XAGE2: variants seen among roughly 807,000 people sequenced by gnomAD.
The protein encoded by XAGE2 is G antigen family D member 3.
XAGE2 carries 7 observed loss-of-function variants against 9.9 expected under a neutral mutation model. The ratio of observed to expected loss-of-function variants is 0.71; its 90% CI spans 0.40 to 1.32. The LOEUF (loss-of-function observed/expected upper bound fraction) is 1.32, where lower values mean the gene tolerates loss of function less well. Among genes scored for constraint, XAGE2 ranks in the 40% most tolerant of loss-of-function variants. The probability of loss-of-function intolerance (pLI) is 0.01; values close to 1 mark genes in which losing one functional copy is unlikely to be tolerated. For synonymous variants in XAGE2, 31 were observed against 26.8 expected (o/e 1.16, Z -0.48); for missense variants, 85 against 81.0 (o/e 1.05, Z -0.19).
At chrX:52,369,854 A>C (rs1921147018) in intron 1 of XAGE2, among the ~76,000 whole-genome samples, 153 bp from the exon 2 acceptor site, 1 of 113,042 alleles carries the variant, frequency 8.8e-6, no homozygotes, top group Admixed American at 9.3e-5. Context: ...CATTCGATTC[A>C]GAAGATGTAC....
In XAGE2 at chrX:52,370,604, C is replaced by A; in HGVS notation, c.119C>A (p.Pro40His). The A allele has an allele frequency of 3.3e-6, 4 of 1,211,398 alleles. No homozygotes were observed. The South Asian group carries it at 5.3e-5, about 16-fold the overall frequency. ...GAAGAGCCTAAAGAAGAGAAACCAC[C>A]CACTAAAAGTCGGAATCCTACACCT... ...TDEEPKEEKP[P>H]TKSRNPTPDQ... is the part of the protein sequence containing the mutation. The change falls in exon 3 of 5, where the codon CCC becomes CAC. Residue 40 changes from proline (P) to histidine (H), a missense_variant. Coordinates refer to ENST00000286049, the MANE Select transcript of XAGE2 (RefSeq NM_130777.3).
At chrX:52,370,822 A>T in intron 3 of XAGE2, 150 bp downstream of exon 3, 2 of 513,551 alleles carry the variant, frequency 3.9e-6, no homozygotes, top group Non-Finnish European at 6.5e-6. Flanking sequence ...AGTGAAGAGT[A>T]TAGTTTGCAG....
Position 52,375,642 on chromosome X carries a change from TTTAAAATATCTTAATAA to T in XAGE2, c.*52_*68del. Reference sequence around the variant, plus strand: ...ACTGTTTTTATATTAGATATTTTACTTTAAAATATCTTAATAAAGTTTTAAGCTTTTCTCCAAAGAAG... The same window carrying T: ...ACTGTTTTTATATTAGATATTTTACTAGTTTTAAGCTTTTCTCCAAAGAAG... On this transcript the variant is annotated 3_prime_UTR_variant, in exon 5 of 5. Transcript: ENST00000286049. The T allele has an allele frequency of 9.6e-7, 1 of 1,042,134 alleles. No homozygotes were observed. Among genetic ancestry groups the T allele is most frequent in the Non-Finnish European group, 1.3e-6 (1 of 755,657 alleles). The allele number at this position is 1,042,134 out of a possible 1,213,427, so 85.9% of individuals were successfully genotyped here. A position where few individuals can be genotyped will look rare whatever the true frequency, so the allele number is the denominator to read the frequency against.
intron 4 of XAGE2, 75 bp downstream of exon 4, chrX:52,372,744 T>C (rs1921224004): frequency 8.9e-7 from 1 of 1,121,101 alleles, no homozygotes; most frequent in Admixed American, 2.2e-5. Context: ...CATAGAGAGA[T>C]AATATTACTG....
At chrX:52,375,492 G>A (rs1240318569) in intron 4 of XAGE2, 77 bp from the exon 5 acceptor site, 55 of 1,075,043 alleles carry the variant, frequency 5.1e-5, no homozygotes, top group Non-Finnish European at 6.6e-5. Flanking sequence ...CAAAAACTTT[G>A]GTGTCATTTG....
In XAGE2 at chrX:52,372,649, A is replaced by G. The variant is rs900102804; in HGVS notation, c.293A>G (p.His98Arg). ...GGGAAGATTCTACCAAAAGCAGAGC[A>G]CTTTAAAATGCCAGAAGCAGGTGTG... ...VKGKILPKAE[H>R]FKMPEAGEGK... Residue 98 changes from histidine to arginine, a missense_variant, in exon 4 of 5, where the codon CAC becomes CGC. Transcript: ENST00000286049. 6.0e-5 allele frequency: 72 copies of G among 1,209,932 alleles called. No homozygotes were observed. In the African/African-American group the frequency reaches 6.1e-4, roughly 10 times the overall value.
In XAGE2 at chrX:52,372,678, T is replaced by C. The variant is rs1189188660; in HGVS notation, c.313+9T>C. ...TAAAATGCCAGAAGCAGGTGTGTTATTCATTAAGACACAAAGTTATGTGAT... is the reference window on the plus strand; with the variant it reads ...TAAAATGCCAGAAGCAGGTGTGTTACTCATTAAGACACAAAGTTATGTGAT... On this transcript the variant is annotated intron_variant, in intron 4 of 4. Transcript: ENST00000286049. 1 of 1,210,198 alleles carries C rather than the reference T, an allele frequency of 8.3e-7. No individual in the cohort carries two copies.
chrX:52,370,676 C>A lies in XAGE2; in HGVS notation c.187+4C>A. 8.3e-7 allele frequency: 1 copy of A among 1,206,928 alleles called. No homozygotes were observed. The highest frequency in any genetic ancestry group is 1.1e-6 in the Non-Finnish European group (1 of 892,138). ...CAGGGTGCAGCTGAGATTCAAGGTG[C>A]TGGGAAAGGAAAGAAATAATGCCTA... On this transcript the variant is annotated splice_donor_region_variant and intron_variant, in intron 3 of 4. Transcript: ENST00000286049.
Position 52,375,627 on chromosome X carries a change from T to C in XAGE2, c.*36T>C. The stretch of plus-strand genomic sequence containing the variant: ...GCTGAAACAACACAAACTGTTTTTA[T>C]ATTAGATATTTTACTTTAAAATATC... On this transcript the variant is annotated 3_prime_UTR_variant, in exon 5 of 5. Coordinates refer to ENST00000286049, the MANE Select transcript of XAGE2 (RefSeq NM_130777.3). The C allele has an allele frequency of 8.7e-7, 1 of 1,145,583 alleles. No homozygotes were observed. The highest frequency in any genetic ancestry group is 1.8e-5 in the African/African-American group (1 of 56,394). The allele number at this position is 1,145,583 out of a possible 1,213,427, so 94.4% of individuals were successfully genotyped here. A position where few individuals can be genotyped will look rare whatever the true frequency, so the allele number is the denominator to read the frequency against.
chrX:52,370,369 G>A (rs1253332060), intron 2 of XAGE2, among the ~76,000 whole-genome samples, 198 bp from the exon 3 acceptor site: 8 of 112,413 alleles, frequency 7.1e-5, no homozygotes, highest in African/African-American at 2.6e-4. Context: ...CAAAGCCTTT[G>A]AGGGTAACTG....
At chrX:52,370,125 A>G (rs1232806020) in intron 2 of XAGE2, 30 bp downstream of exon 2, 1 of 1,178,094 alleles carries the variant, frequency 8.5e-7, no homozygotes, top group Non-Finnish European at 1.2e-6. Context: ...GATGTTTTTT[A>G]TTAGCAGAAA....
In XAGE2 at chrX:52,371,467, T is replaced by A. The variant is rs965824692; in HGVS notation, c.187+795T>A. The stretch of plus-strand genomic sequence containing the variant: ...TGGCATACAGGTAGGTATATTAGTA[T>A]GCTTTTTAAGGAACTTTTAAAAGTT... On this transcript the variant is annotated intron_variant, in intron 3 of 4. Coordinates refer to ENST00000286049, the MANE Select transcript of XAGE2 (RefSeq NM_130777.3). 8.7e-4 allele frequency among the ~76,000 whole-genome samples: 97 copies of A among 112,122 alleles called. 1 individual carries two copies. Among genetic ancestry groups the A allele is most frequent in the African/African-American group, 2.9e-3 (88 of 30,835 alleles).
rs939607358 is a variant in XAGE2, at chrX:52,370,108, A to G, written c.81+13A>G. On this transcript the variant is annotated intron_variant, in intron 2 of 4. Coordinates refer to ENST00000286049, the MANE Select transcript of XAGE2 (RefSeq NM_130777.3). ...TGGGGCTATGCTTGTGAGTGCTTTA[A>G]TATTTTGATGTTTTTTATTAGCAGA... The G allele has an allele frequency of 2.8e-5, 34 of 1,206,201 alleles. No individual in the cohort carries two copies. The highest frequency in any genetic ancestry group is 2.3e-4 in the Middle Eastern group (1 of 4,359).
intron 3 of XAGE2, among the ~76,000 whole-genome samples, chrX:52,372,273 T>C (rs1414395493): frequency 9.1e-6 from 1 of 110,468 alleles, no homozygotes; most frequent in Admixed American, 9.6e-5. Flanking sequence ...GACAGGGGGA[T>C]AACTTGAGCT....
Position 52,369,674 on chromosome X carries a change from C to T in XAGE2, c.-8-333C>T, listed in dbSNP as rs1047989524. 3.2e-3 allele frequency among the ~76,000 whole-genome samples: 356 copies of T among 112,024 alleles called. 2 individuals carry two copies. Among genetic ancestry groups the T allele is most frequent in the Non-Finnish European group, 5.6e-3 (300 of 53,187 alleles). ...ATCGTCCAAACAAATGGGTGTGTGA[C>T]GAAAGCCGTGGTCACTGCAGTTTTA... On this transcript the variant is annotated intron_variant, in intron 1 of 4. Coordinates refer to ENST00000286049, the MANE Select transcript of XAGE2 (RefSeq NM_130777.3).
At chrX:52,371,439 C>T (rs1921189606) in intron 3 of XAGE2, among the ~76,000 whole-genome samples, 1 of 111,714 alleles carries the variant, frequency 9.0e-6, no homozygotes, top group African/African-American at 3.3e-5. Context: ...TAGTTCAGGA[C>T]ACTGGCATAC....
chrX:52,374,925 G>T (rs1418335479), intron 4 of XAGE2, among the ~76,000 whole-genome samples: 1 of 111,380 alleles, frequency 9.0e-6, no homozygotes, highest in African/African-American at 3.3e-5. Context: ...TTAACATCAG[G>T]ACTATAGGTG....
At chrX:52,370,179 T>C in intron 2 of XAGE2, 84 bp downstream of exon 2, 2 of 925,729 alleles carry the variant, frequency 2.2e-6, no homozygotes, top group Non-Finnish European at 3.1e-6. Flanking sequence ...GATACACTGA[T>C]AAAGGTCTTC....
intron 1 of XAGE2, among the ~76,000 whole-genome samples, chrX:52,369,627 A>T (rs1921142297): frequency 8.9e-6 from 1 of 111,874 alleles, no homozygotes; most frequent in South Asian, 3.8e-4. Flanking sequence ...TTTCCAACAA[A>T]ACCTTGATTT....
Sources: allele counts gnomAD v4.1 joint callset (sites outside exome capture counted in the v4.1 genomes callset), GRCh38; gene constraint gnomAD v4.1.1; transcripts MANE v1.5; gene names NCBI Gene and HGNC (gene_info 2026-07-23, HGNC 2026-07-21).